The following PTPRM variants were observed in gnomAD, a reference collection of about 807,000 sequenced individuals.
PTPRM encodes the protein protein tyrosine phosphatase receptor type M.
PTPRM carries 47 observed loss-of-function variants against 186.7 expected under a neutral mutation model. The ratio of observed to expected loss-of-function variants is 0.25; its 90% CI spans 0.20 to 0.32. PTPRM has a LOEUF of 0.32. Among genes scored for constraint, PTPRM ranks in the 10% least tolerant of loss-of-function variants. The pLI is 1.00. For missense variants in PTPRM, 1,494 were observed against 1,865.0 expected, an observed-to-expected ratio of 0.80 and a Z score of 3.66; for synonymous variants, 668 against 674.9, an observed-to-expected ratio of 0.99 and a Z score of 0.16.
At chr18:8,264,673 G>A (rs1338294287) in intron 19 of PTPRM, among the ~76,000 whole-genome samples, 1 of 151,612 alleles carries the variant, frequency 6.6e-6, no homozygotes, top group Admixed American at 6.6e-5. Context: ...GGAGGCTGAG[G>A]CAGGGGAATC....
At chr18:8,272,583 A>G (rs1365804060) in intron 19 of PTPRM, among the ~76,000 whole-genome samples, 4 of 152,138 alleles carry the variant, frequency 2.6e-5, no homozygotes, top group African/African-American at 9.6e-5. Flanking sequence ...ATGTGAGTTT[A>G]TGAGTGTATA....
chr18:7,647,708 C>G (rs986368788), intron 1 of PTPRM, among the ~76,000 whole-genome samples: 1 of 152,170 alleles, frequency 6.6e-6, no homozygotes, highest in Admixed American at 6.5e-5. Context: ...AACACTTGCT[C>G]CCTTGACTTC....
chr18:8,267,667 G>A (rs143966811), intron 19 of PTPRM, among the ~76,000 whole-genome samples: 24 of 152,080 alleles, frequency 1.6e-4, no homozygotes, highest in African/African-American at 5.8e-4. Flanking sequence ...TTACTAGTTC[G>A]AAGTATATAA....
chr18:8,360,567 C>G (rs997100511), intron 23 of PTPRM, among the ~76,000 whole-genome samples: 1 of 152,156 alleles, frequency 6.6e-6, no homozygotes, highest in Non-Finnish European at 1.5e-5. Context: ...TTGGCCAATA[C>G]TAGCTGAGGA....
chr18:7,615,961 G>T (rs1379596102), intron 1 of PTPRM, among the ~76,000 whole-genome samples: 1 of 152,034 alleles, frequency 6.6e-6, no homozygotes, highest in Non-Finnish European at 1.5e-5. Flanking sequence ...TCACAATAGG[G>T]TGTGCACTCC....
At chr18:8,093,269 C>T (rs1414235511) in intron 11 of PTPRM, among the ~76,000 whole-genome samples, 2 of 152,138 alleles carry the variant, frequency 1.3e-5, no homozygotes, top group Non-Finnish European at 2.9e-5. Context: ...ATGCCAACCT[C>T]ATGGGGTTCT....
At chr18:7,686,637 T>A (rs2039608948) in intron 1 of PTPRM, among the ~76,000 whole-genome samples, 1 of 151,814 alleles carries the variant, frequency 6.6e-6, no homozygotes, top group African/African-American at 2.4e-5. Flanking sequence ...TGGAGTCATG[T>A]TCACTGATTA....
intron 13 of PTPRM, among the ~76,000 whole-genome samples, chr18:8,131,553 G>T (rs1372425764): frequency 1.3e-5 from 2 of 152,134 alleles, no homozygotes; most frequent in Admixed American, 1.3e-4. Context: ...GGCCATTTGA[G>T]GTTCCTTTGT....
chr18:8,094,992 C>T (rs780291791), intron 11 of PTPRM, among the ~76,000 whole-genome samples: 20 of 152,088 alleles, frequency 1.3e-4, no homozygotes, highest in Non-Finnish European at 2.5e-4. Context: ...CCTGTCTTTC[C>T]ACAGCAAGGA....
At chr18:8,117,553 T>G (rs2092002547) in intron 13 of PTPRM, among the ~76,000 whole-genome samples, 1 of 152,178 alleles carries the variant, frequency 6.6e-6, no homozygotes, top group South Asian at 2.1e-4. Flanking sequence ...AAAGACATAT[T>G]TTGACACTCA....
At chr18:8,252,160 G>T (rs528154046) in intron 17 of PTPRM, among the ~76,000 whole-genome samples, 9 of 152,220 alleles carry the variant, frequency 5.9e-5, no homozygotes, top group African/African-American at 1.2e-4. Context: ...GTACAATTTG[G>T]TTGACTTGTT....
chr18:7,723,837 G>A (rs1053508304), intron 1 of PTPRM, among the ~76,000 whole-genome samples: 9 of 152,024 alleles, frequency 5.9e-5, no homozygotes, highest in African/African-American at 9.7e-5. Context: ...TTACCTCCTC[G>A]CCTTCCTATA....
intron 3 of PTPRM, among the ~76,000 whole-genome samples, chr18:7,902,305 T>C (rs1173461679): frequency 2.0e-5 from 3 of 152,216 alleles, no homozygotes; most frequent in African/African-American, 4.8e-5. Flanking sequence ...TTGTCTCTAA[T>C]TCTTTTTTGT....
intron 20 of PTPRM, among the ~76,000 whole-genome samples, chr18:8,308,028 T>C (rs996059181): frequency 5.9e-5 from 9 of 152,180 alleles, no homozygotes; most frequent in African/African-American, 2.2e-4. Context: ...AATTAGACTT[T>C]TTTTATTTTT....
At chr18:8,062,508 C>T (rs370548903) in intron 7 of PTPRM, among the ~76,000 whole-genome samples, 2 of 27,728 alleles carry the variant, frequency 7.2e-5, no homozygotes, top group Admixed American at 4.0e-4. Context: ...TGAGGAACTG[C>T]GTTCCTTTGG....
At chr18:7,619,721 G>A (rs1322730960) in intron 1 of PTPRM, among the ~76,000 whole-genome samples, 2 of 152,156 alleles carry the variant, frequency 1.3e-5, no homozygotes, top group Non-Finnish European at 2.9e-5. Flanking sequence ...AGCAGGTGTT[G>A]GGGACCCACT....
At chr18:7,758,019 G>A (rs1232682836) in intron 1 of PTPRM, among the ~76,000 whole-genome samples, 2 of 151,998 alleles carry the variant, frequency 1.3e-5, no homozygotes, top group Admixed American at 6.6e-5. Flanking sequence ...TAATCACGGG[G>A]GACACATCCT....
chr18:7,728,137 G>A (rs960938780), intron 1 of PTPRM, among the ~76,000 whole-genome samples: 1 of 152,158 alleles, frequency 6.6e-6, no homozygotes, highest in Non-Finnish European at 1.5e-5. Context: ...GTAAGGTTCA[G>A]ATATTTGTTA....
At chr18:7,874,574 C>T (rs1227647460) in intron 2 of PTPRM, among the ~76,000 whole-genome samples, 1 of 151,400 alleles carries the variant, frequency 6.6e-6, no homozygotes, top group Non-Finnish European at 1.5e-5. Context: ...GAGAGAAACA[C>T]CTCTTTAGAC....
Sources: gnomAD v4.1 joint callset for allele counts (sites outside exome capture counted in the v4.1 genomes callset) on GRCh38, gnomAD v4.1.1 for gene constraint, MANE v1.5 for transcripts, NCBI Gene and HGNC (gene_info 2026-07-23, HGNC 2026-07-21) for gene names.